SOX5: variants seen among roughly 807,000 people sequenced by gnomAD.
SOX5 encodes the protein transcription factor SOX-5.
A neutral mutation model predicts 92.0 loss-of-function variants in SOX5; 9 were observed. That is an observed-to-expected ratio of 0.10 (90% CI 0.06 to 0.17). The LOEUF (loss-of-function observed/expected upper bound fraction) is 0.17, where lower values mean the gene tolerates loss of function less well. Among genes scored for constraint, SOX5 ranks in the 10% least tolerant of loss-of-function variants. SOX5 has a pLI of 1.00. For synonymous variants in SOX5, 344 were observed against 336.3 expected, an observed-to-expected ratio of 1.02 and a Z score of -0.25; for missense variants, 642 against 944.5, an observed-to-expected ratio of 0.68 and a Z score of 4.20.
At position 23,682,713 on chromosome 12, in the gene SOX5, T is replaced by C. The variant is rs187344921; in HGVS notation, c.811-17149A>G. On this transcript the variant is annotated intron_variant, in intron 6 of 14. Coordinates refer to ENST00000451604, the MANE Select transcript of SOX5 (RefSeq NM_006940.6). ...AGCTCTTTGTATAATATCTTCTTCATTGAAATAACAAAGAAAAGAATTCAA... is the reference window on the plus strand; with the variant it reads ...AGCTCTTTGTATAATATCTTCTTCACTGAAATAACAAAGAAAAGAATTCAA... 5.3e-4 allele frequency among the ~76,000 whole-genome samples: 81 copies of C among 151,874 alleles called. 2 individuals are homozygous for C. In the East Asian group the frequency reaches 7.3e-3, roughly 14 times the overall value.
chr12:24,381,564 T>TA (rs958983051), intron 1 of SOX5, among the ~76,000 whole-genome samples: 15 of 152,318 alleles, frequency 9.8e-5, no homozygotes, highest in Admixed American at 6.5e-4. Flanking sequence ...CATGTTTTTC[T>TA]AAAAAAATCT....
chr12:24,276,346 C>T (rs1445805087), intron 3 of SOX5, among the ~76,000 whole-genome samples: 1 of 152,082 alleles, frequency 6.6e-6, no homozygotes, highest in Non-Finnish European at 1.5e-5. Context: ...AGGGTTTTCA[C>T]ACATACACTT....
intron 1 of SOX5, among the ~76,000 whole-genome samples, chr12:24,483,621 C>T (rs762187221): frequency 1.3e-5 from 2 of 152,130 alleles, no homozygotes; most frequent in Non-Finnish European, 2.9e-5. Context: ...AGTTGCCTGG[C>T]GACATAGGTC....
chr12:24,529,745 C>T (rs1321545451), intron 1 of SOX5, among the ~76,000 whole-genome samples: 2 of 152,084 alleles, frequency 1.3e-5, no homozygotes, highest in East Asian at 1.9e-4. Flanking sequence ...CAAGGCTGGG[C>T]GCGGTGGCTC....
chr12:23,671,302 T>G (rs969078774), intron 6 of SOX5, among the ~76,000 whole-genome samples: 2 of 152,126 alleles, frequency 1.3e-5, no homozygotes, highest in African/African-American at 4.8e-5. Context: ...TTTTCAAATG[T>G]TCCTCAAGAG....
intron 2 of SOX5, among the ~76,000 whole-genome samples, chr12:23,874,383 T>C (rs1159385543): frequency 6.6e-6 from 1 of 152,230 alleles, no homozygotes; most frequent in East Asian, 1.9e-4. Context: ...CAATCAAGTT[T>C]AGCGACGCAC....
chr12:23,657,636 T>G (rs1257597882), intron 7 of SOX5, among the ~76,000 whole-genome samples: 1 of 152,174 alleles, frequency 6.6e-6, no homozygotes, highest in Non-Finnish European at 1.5e-5. Context: ...CACTTCAGGT[T>G]GATGAACTTA....
At chr12:23,828,244 C>T (rs1036196633) in intron 3 of SOX5, among the ~76,000 whole-genome samples, 3 of 152,148 alleles carry the variant, frequency 2.0e-5, no homozygotes, top group African/African-American at 2.4e-5. Flanking sequence ...AACTCTATTA[C>T]GTTTGCACAA....
intron 11 of SOX5, among the ~76,000 whole-genome samples, chr12:23,556,404 A>T (rs1326609485): frequency 1.3e-5 from 2 of 152,230 alleles, no homozygotes; most frequent in African/African-American, 4.8e-5. Flanking sequence ...TGTAGAGATT[A>T]AAAAATAATA....
intron 2 of SOX5, among the ~76,000 whole-genome samples, chr12:24,349,086 C>G (rs1389417056): frequency 2.0e-5 from 3 of 152,230 alleles, no homozygotes; most frequent in Admixed American, 6.5e-5. Flanking sequence ...ATACCCAGCT[C>G]TTTCTCAACT....
chr12:23,598,387 C>CTTTTTT (rs201719026), intron 9 of SOX5, among the ~76,000 whole-genome samples: 324 of 95,162 alleles, frequency 3.4e-3, no homozygotes, highest in African/African-American at 5.5e-3. Context: ...TGTGCTTTAT[C>CTTTTTT]TTTTTTTTTT....
intron 4 of SOX5, among the ~76,000 whole-genome samples, chr12:24,085,538 T>C (rs1274297990): frequency 1.3e-5 from 2 of 152,124 alleles, no homozygotes; most frequent in Admixed American, 6.6e-5. Flanking sequence ...TTATTTCATA[T>C]ATTTACATAA....
At chr12:24,480,527 C>A (rs953735048) in intron 1 of SOX5, among the ~76,000 whole-genome samples, 18 of 151,936 alleles carry the variant, frequency 1.2e-4, no homozygotes, top group Admixed American at 3.9e-4. Flanking sequence ...AGATTAATAA[C>A]CAGAATATAT....
intron 6 of SOX5, among the ~76,000 whole-genome samples, chr12:23,666,838 T>A (rs1463457457): frequency 6.6e-6 from 1 of 152,148 alleles, no homozygotes; most frequent in Admixed American, 6.6e-5. Flanking sequence ...AATTACATAT[T>A]TATTCAGTCA....
chr12:23,586,222 T>A (rs901542703), intron 9 of SOX5, among the ~76,000 whole-genome samples: 1 of 152,128 alleles, frequency 6.6e-6, no homozygotes, highest in Non-Finnish European at 1.5e-5. Flanking sequence ...TAATTAGCAA[T>A]TTTCCTTTAT....
chr12:23,577,749 G>T (rs183050257), intron 9 of SOX5, among the ~76,000 whole-genome samples: 1 of 151,952 alleles, frequency 6.6e-6, no homozygotes, highest in Non-Finnish European at 1.5e-5. Context: ...TGATTCATAA[G>T]ATCTTGACAG....
At chr12:23,639,992 T>G (rs936621949) in intron 8 of SOX5, among the ~76,000 whole-genome samples, 6 of 152,340 alleles carry the variant, frequency 3.9e-5, no homozygotes, top group Middle Eastern at 3.4e-3. Context: ...ATAGGCATAC[T>G]GTGTCTTTCA....
rs200455387 is a variant in SOX5, at chr12:23,979,946, T to TAGACAGAC, written c.-1-83923_-1-83922insGTCTGTCT. ...ACAGACAGACAGACAGATAGATAGA[T>TAGACAGAC]AGATAGACAGACAGACAGATAGATA... is the stretch of plus-strand genomic sequence containing the variant. On this transcript the variant is annotated intron_variant, in intron 4 of 4. Transcript: ENST00000446891. Among the ~76,000 whole-genome samples the TAGACAGAC allele has an allele frequency of 8.9e-3, 1,191 of 134,516 alleles. 20 individuals carry two copies. Among genetic ancestry groups the TAGACAGAC allele is most frequent in the African/African-American group, 0.032 (1,055 of 33,410 alleles). The allele number at this position is 134,516 out of a possible 152,430, so 88.2% of individuals were successfully genotyped here. A position where few individuals can be genotyped will look rare whatever the true frequency, so the allele number is the denominator to read the frequency against.
intron 4 of SOX5, among the ~76,000 whole-genome samples, chr12:24,063,267 C>A (rs1018657848): frequency 6.6e-6 from 1 of 152,134 alleles, no homozygotes; most frequent in Admixed American, 6.5e-5. Context: ...ATGTCTTAAT[C>A]ATAATTTTAT....
Sources: allele counts gnomAD v4.1 joint callset (sites outside exome capture counted in the v4.1 genomes callset), GRCh38; gene constraint gnomAD v4.1.1; transcripts MANE v1.5; gene names NCBI Gene and HGNC (gene_info 2026-07-23, HGNC 2026-07-21).